The following CDC27 variants were observed in gnomAD, a reference collection of about 807,000 sequenced individuals.
The protein encoded by CDC27 is cell division cycle protein 27 homolog.
In CDC27, 27 loss-of-function variants were observed where a neutral mutation model predicts 109.7. That is an observed-to-expected ratio of 0.25 (90% CI 0.18 to 0.34). The LOEUF is 0.34. CDC27 is among the 10% of genes least tolerant of loss of function. The pLI is 1.00. For missense variants in CDC27, 579 were observed against 960.2 expected (o/e 0.60, Z 5.25); for synonymous variants, 266 against 333.9 (o/e 0.80, Z 2.22).
At chr17:47,155,860 G>A (rs140772863) in intron 7 of CDC27, among the ~76,000 whole-genome samples, 3 of 152,202 alleles carry the variant, frequency 2.0e-5, no homozygotes, top group South Asian at 4.2e-4. Flanking sequence ...GTCTGAGGTG[G>A]GAGGATCGCT....
Position 47,127,415 on chromosome 17 carries a change from T to G in CDC27, c.2160+1978A>C, listed in dbSNP as rs772776521. ...CTTTATTAGCCTATTTTTACGTTTTTTTTTGAGATGGAGTTTCACTCTTGT... is the reference window on the plus strand; with the variant it reads ...CTTTATTAGCCTATTTTTACGTTTTGTTTTGAGATGGAGTTTCACTCTTGT... On this transcript the variant is annotated intron_variant, in intron 16 of 18. Transcript: ENST00000066544. Among the ~76,000 whole-genome samples the G allele has an allele frequency of 2.2e-4, 34 of 152,166 alleles. 1 individual carries two copies. Among genetic ancestry groups the G allele is most frequent in the Non-Finnish European group, 3.2e-4 (22 of 68,038 alleles).
chr17:47,181,350 C>A, intron 2 of CDC27: 1 of 166,906 alleles, frequency 6.0e-6, no homozygotes, highest in Non-Finnish European at 1.2e-5. Context: ...TTAAGTAAAT[C>A]ATAGCATATA....
intron 4 of CDC27, among the ~76,000 whole-genome samples, chr17:47,163,828 G>A (rs774463382): frequency 1.3e-5 from 2 of 152,090 alleles, no homozygotes; most frequent in Non-Finnish European, 2.9e-5. Flanking sequence ...ACAATGGCAC[G>A]ATCTCAGCTC....
intron 12 of CDC27, among the ~76,000 whole-genome samples, chr17:47,139,353 G>A (rs1038052456): frequency 3.4e-5 from 5 of 146,688 alleles, no homozygotes; most frequent in South Asian, 2.1e-4. Flanking sequence ...TGCAAGCTCC[G>A]CCTCCCGAGT....
intron 4 of CDC27, chr17:47,159,616 C>CA (rs1479683359): frequency 2.6e-5 from 12 of 465,488 alleles, no homozygotes; most frequent in South Asian, 1.9e-4. Context: ...TGTTGATGGC[C>CA]CTGCAGATGG....
At chr17:47,134,365 C>T (rs1473556856) in intron 14 of CDC27, among the ~76,000 whole-genome samples, 1 of 150,708 alleles carries the variant, frequency 6.6e-6, no homozygotes, top group Admixed American at 6.6e-5. Flanking sequence ...AGTGCAATGG[C>T]GTGATCATAG....
At chr17:47,122,372 A>G in intron 18 of CDC27, 72 bp downstream of exon 18, 1 of 1,076,518 alleles carries the variant, frequency 9.3e-7, no homozygotes, top group Non-Finnish European at 1.3e-6. Flanking sequence ...AAATAAAATA[A>G]AAGAGTAGCC....
rs1186022721 is a variant in CDC27 at position 47,120,833 on chromosome 17, G to A, written c.*102C>T. 10 of 799,248 alleles carry A rather than the reference G, an allele frequency of 1.3e-5. No individual in the cohort carries two copies. The Admixed American group carries it at 2.1e-4, about 16-fold the overall frequency. The allele number at this position is 799,248 out of a possible 1,614,324, so 49.5% of individuals were successfully genotyped here. ...CACACTCATGGTATAAGTGACGGACGATGACACCGCCAGCTCAAGAGTAAA... is the reference window on the plus strand; with the variant it reads ...CACACTCATGGTATAAGTGACGGACAATGACACCGCCAGCTCAAGAGTAAA... On this transcript the variant is annotated 3_prime_UTR_variant, in exon 19 of 19. Coordinates refer to ENST00000066544, the MANE Select transcript of CDC27 (RefSeq NM_001256.6).
chr17:47,183,519 T>C (rs2064319181), intron 1 of CDC27, among the ~76,000 whole-genome samples: 2 of 152,216 alleles, frequency 1.3e-5, no homozygotes, highest in Non-Finnish European at 2.9e-5. Context: ...TTTGTTTATA[T>C]AGCTTAAATT....
rs746915890 is a variant in CDC27 at position 47,137,363 on chromosome 17, T to TA, written c.1705-4dup. ...CAGTTCCCTGCAGCACACCAGGCCT[T>TA]AAAAAAATGGGAACAAAAACCAAAC... On this transcript the variant is annotated splice_polypyrimidine_tract_variant and splice_region_variant and intron_variant, in intron 13 of 18. Coordinates refer to ENST00000066544, the MANE Select transcript of CDC27 (RefSeq NM_001256.6). The TA allele has an allele frequency of 2.0e-6, 3 of 1,533,564 alleles. No homozygotes were observed. Among genetic ancestry groups the TA allele is most frequent in the Admixed American group, 2.2e-5 (1 of 45,012 alleles). The allele number at this position is 1,533,564 out of a possible 1,614,324, so 95.0% of individuals were successfully genotyped here. A position where few individuals can be genotyped will look rare whatever the true frequency, so the allele number is the denominator to read the frequency against.
Position 47,138,898 on chromosome 17 carries a change from T to TA in CDC27, c.1552-8dup, listed in dbSNP as rs764826125. On this transcript the variant is annotated splice_polypyrimidine_tract_variant and splice_region_variant and intron_variant, in intron 12 of 18. Coordinates refer to ENST00000066544, the MANE Select transcript of CDC27 (RefSeq NM_001256.6). ...CTGAGAATATTCTTTCAGCCTGAAA[T>TA]AAAAAAAACTAGTAAGAGAAAACAA... 1.4e-4 allele frequency: 213 copies of TA among 1,541,962 alleles called. 1 individual carries two copies. In the East Asian group the frequency reaches 3.1e-3, roughly 22 times the overall value.
rs2063581960 is a variant in CDC27 at position 47,164,342 on chromosome 17, T to C, written c.377+5575A>G. Reference sequence around the variant, plus strand: ...CCCATCATAAAGTGACACATGACTGTATAACATATTTGTGATTTTAACTTA... The same window carrying C: ...CCCATCATAAAGTGACACATGACTGCATAACATATTTGTGATTTTAACTTA... On this transcript the variant is annotated intron_variant, in intron 4 of 18. Coordinates refer to ENST00000066544, the MANE Select transcript of CDC27 (RefSeq NM_001256.6). Among the ~76,000 whole-genome samples, 7 of 152,358 alleles carry C rather than the reference T, an allele frequency of 4.6e-5. No individual in the cohort carries two copies. In the South Asian group the frequency reaches 1.4e-3, roughly 32 times the overall value.
At chr17:47,124,418 G>A (rs2062074332) in intron 16 of CDC27, among the ~76,000 whole-genome samples, 2 of 152,008 alleles carry the variant, frequency 1.3e-5, no homozygotes, top group Admixed American at 1.3e-4. Context: ...CGCGTAACTG[G>A]GATTACAGGC....
intron 4 of CDC27, among the ~76,000 whole-genome samples, chr17:47,163,019 A>C (rs2063540478): frequency 6.6e-6 from 1 of 152,224 alleles, no homozygotes; most frequent in Non-Finnish European, 1.5e-5. Context: ...TAAGAAAAGT[A>C]AAGTGCTGGG....
At chr17:47,159,473 C>G in intron 4 of CDC27, 2 of 592,054 alleles carry the variant, frequency 3.4e-6, no homozygotes, top group Non-Finnish European at 2.9e-6. Context: ...TGCCCGTGCT[C>G]CTGGGGGTGC....
chr17:47,181,799 C>T (rs1030756340), intron 1 of CDC27, among the ~76,000 whole-genome samples, 162 bp from the exon 2 acceptor site: 1 of 152,190 alleles, frequency 6.6e-6, no homozygotes, highest in East Asian at 1.9e-4. Context: ...GGGCAAGGCT[C>T]TTCACAGTAT....
In CDC27 at chr17:47,132,450, C is replaced by A. The variant is rs543408103; in HGVS notation, c.1914-76G>T. On this transcript the variant is annotated intron_variant, in intron 14 of 18. Coordinates refer to ENST00000066544, the MANE Select transcript of CDC27 (RefSeq NM_001256.6). The stretch of plus-strand genomic sequence containing the variant: ...TAATTTAGTTCAATTAGTAAAAGAA[C>A]AAGTATAGAATCTGGCATTTTAATA... The A allele has an allele frequency of 7.7e-6, 5 of 646,276 alleles. No individual in the cohort carries two copies. In the South Asian group the frequency reaches 1.4e-4, roughly 18 times the overall value. 40.0% of individuals were successfully genotyped at this position (646,276 alleles called of 1,614,324 possible).
chr17:47,137,006 T>C, intron 14 of CDC27, 146 bp downstream of exon 14: 1 of 418,536 alleles, frequency 2.4e-6, no homozygotes, highest in Admixed American at 4.3e-5. Context: ...TAAGAAAACA[T>C]TTTAGTTAGA....
At position 47,151,083 on chromosome 17, in the gene CDC27, T is replaced by C. The variant is rs144785568; in HGVS notation, c.1070+723A>G. Among the ~76,000 whole-genome samples, 24 of 152,326 alleles carry C rather than the reference T, an allele frequency of 1.6e-4. No individual in the cohort carries two copies. The East Asian group carries it at 4.6e-3, about 29-fold the overall frequency. ...TAGTGTTAGTCTATTTGTTTGACTC[T>C]AAAGTGAAATGTACAAATCGGAAAT... On this transcript the variant is annotated intron_variant, in intron 9 of 18. Coordinates refer to ENST00000066544, the MANE Select transcript of CDC27 (RefSeq NM_001256.6).
Sources: gnomAD v4.1 joint callset for allele counts (sites outside exome capture counted in the v4.1 genomes callset) on GRCh38, gnomAD v4.1.1 for gene constraint, MANE v1.5 for transcripts, NCBI Gene and HGNC (gene_info 2026-07-23, HGNC 2026-07-21) for gene names.